DCST1: variants seen among roughly 807,000 people sequenced by gnomAD.
DCST1 encodes E3 ubiquitin-protein ligase DCST1.
A neutral mutation model predicts 89.1 loss-of-function variants in DCST1; 78 were observed. That is an observed-to-expected ratio of 0.88 (90% CI 0.73 to 1.06). The LOEUF (loss-of-function observed/expected upper bound fraction) is 1.06. Among genes scored for constraint, DCST1 ranks in the 50% least tolerant of loss-of-function variants. DCST1 has a pLI of 0.00. For missense variants in DCST1, 900 were observed against 928.6 expected (o/e 0.97, Z 0.40); for synonymous variants, 364 against 371.9 (o/e 0.98, Z 0.24).
chr1:155,038,744 C>T (rs576107427), intron 4 of DCST1, among the ~76,000 whole-genome samples: 2 of 152,330 alleles, frequency 1.3e-5, no homozygotes, highest in Non-Finnish European at 2.9e-5. Context: ...TACGTACTCC[C>T]TCCTTGGCTC....
chr1:155,034,728 G>C lies in DCST1; in HGVS notation c.262+1G>C. On this transcript the variant is annotated splice_donor_variant, in intron 4 of 16. Transcript: ENST00000295542. LOFTEE classifies it high-confidence loss of function. ...ATTATGTTCTTGTACAGCTTGGTGG[G>C]TTAGTGCTGGGCAAAAGCCAGGAAC... The C allele has an allele frequency of 6.2e-7, 1 of 1,614,164 alleles. No individual in the cohort carries two copies. The highest frequency in any genetic ancestry group is 8.5e-7 in the Non-Finnish European group (1 of 1,180,038).
intron 4 of DCST1, among the ~76,000 whole-genome samples, chr1:155,035,559 G>A (rs1660253677): frequency 1.3e-5 from 2 of 152,122 alleles, no homozygotes; most frequent in African/African-American, 4.8e-5. Flanking sequence ...CTTCTCTTCA[G>A]GTCACAAGAT....
chr1:155,034,813 G>GT lies in DCST1; in HGVS notation c.262+89dup, dbSNP rs1329094485. On this transcript the variant is annotated intron_variant, in intron 4 of 16. Coordinates refer to ENST00000295542, the MANE Select transcript of DCST1 (RefSeq NM_152494.4). The stretch of plus-strand genomic sequence containing the variant: ...CATGCCCAGGAAGGAGTCGGGACTT[G>GT]TTTCTTCTGTACCCATACATCCCCT... The GT allele has an allele frequency of 6.2e-6, 9 of 1,457,292 alleles. No individual in the cohort carries two copies. The East Asian group carries it at 1.8e-4, about 29-fold the overall frequency. The allele number at this position is 1,457,292 out of a possible 1,614,324, so 90.3% of individuals were successfully genotyped here. A position where few individuals can be genotyped will look rare whatever the true frequency, so the allele number is the denominator to read the frequency against.
chr1:155,042,208 C>A (rs1225706198), intron 8 of DCST1, among the ~76,000 whole-genome samples: 1 of 152,162 alleles, frequency 6.6e-6, no homozygotes, highest in East Asian at 1.9e-4. Context: ...AAGCGATTCT[C>A]CTGCCTCAGC....
In DCST1 at chr1:155,047,903, G is replaced by T; in HGVS notation, c.1729G>T (p.Val577Phe). ...LQAFGYRLRR[V>F]IAAFYFPKRE... The stretch of plus-strand genomic sequence containing the variant: ...GGCTTTTGGCTACCGACTCCGGAGG[G>T]TCATCGCAGCCTTCTACTTCCCCAA... The change falls in exon 15 of 17, where the codon GTC becomes TTC. Residue 577 changes from valine to phenylalanine, a missense_variant. By Grantham distance (50) the Val-to-Phe change is conservative. Transcript: ENST00000295542. 1 of 1,614,082 alleles carries T rather than the reference G, an allele frequency of 6.2e-7. No homozygotes were observed. Among genetic ancestry groups the T allele is most frequent in the East Asian group, 2.2e-5 (1 of 44,876 alleles).
At chr1:155,040,425 G>A (rs1160961914) in intron 5 of DCST1, 60 bp from the exon 6 acceptor site, 2 of 1,534,522 alleles carry the variant, frequency 1.3e-6, no homozygotes, top group East Asian at 2.4e-5. Context: ...GGGAAGCTGA[G>A]CGGGTTTGAG....
Position 155,043,450 on chromosome 1 carries a change from G to A in DCST1, c.1113G>A (p.Glu371=), listed in dbSNP as rs1660499813. The A allele has an allele frequency of 6.2e-6, 10 of 1,612,914 alleles. No individual in the cohort carries two copies. The highest frequency in any genetic ancestry group is 8.5e-6 in the Non-Finnish European group (10 of 1,179,594). ...DYVYRQEARL[E]WALGLLHVLL... The stretch of plus-strand genomic sequence containing the variant: ...TGTACCGCCAGGAGGCCCGGCTGGA[G>A]TGGGCCCTGGGGCTGCTGCACGTGC... Residue 371 remains glutamate, a synonymous_variant, in exon 10 of 17, where the codon GAG becomes GAA. Transcript: ENST00000295542.
intron 13 of DCST1, 114 bp downstream of exon 13, chr1:155,046,600 C>CTT (rs71077975): frequency 2.8e-3 from 1,518 of 533,238 alleles, no homozygotes; most frequent in Non-Finnish European, 3.2e-3. Context: ...CCTTCTGCCT[C>CTT]TTTTTTTTTT....
intron 4 of DCST1, among the ~76,000 whole-genome samples, chr1:155,037,936 TC>T (rs1660323605): frequency 6.6e-6 from 1 of 152,276 alleles, no homozygotes; most frequent in Non-Finnish European, 1.5e-5. Context: ...CCTTTCAGTG[TC>T]CTGTTCTACC....
rs772085683 is a variant in DCST1 at position 155,043,461 on chromosome 1, G to A, written c.1124G>A (p.Gly375Glu). The A allele has an allele frequency of 6.2e-7, 1 of 1,611,808 alleles. No individual in the cohort carries two copies. The highest frequency in any genetic ancestry group is 8.5e-7 in the Non-Finnish European group (1 of 1,179,092). Residue 375 changes from glycine (G) to glutamate (E), a missense_variant, in exon 10 of 17, where the codon GGG becomes GAG. Physicochemically the swap from Gly to Glu is moderately conservative, Grantham distance 98. Transcript: ENST00000295542. Reference protein sequence around the residue: ...RQEARLEWALGLLHVLLSCTF... With the variant: ...RQEARLEWALELLHVLLSCTF... The stretch of plus-strand genomic sequence containing the variant: ...GAGGCCCGGCTGGAGTGGGCCCTGG[G>A]GCTGCTGCACGTGCTGCTCTCCTGC...
At chr1:155,036,123 C>G (rs1046556967) in intron 4 of DCST1, among the ~76,000 whole-genome samples, 2 of 151,170 alleles carry the variant, frequency 1.3e-5, no homozygotes, top group African/African-American at 2.4e-5. Flanking sequence ...GGAAACTTGC[C>G]TATAATCCCC....
chr1:155,049,303 C>T (rs186151387), intron 16 of DCST1: 37 of 475,766 alleles, frequency 7.8e-5, no homozygotes, highest in African/African-American at 7.3e-4. Flanking sequence ...CATATGCATG[C>T]ATGTTATCAT....
At chr1:155,039,364 C>A in intron 4 of DCST1, 39 bp from the exon 5 acceptor site, 1 of 1,477,478 alleles carries the variant, frequency 6.8e-7, no homozygotes, top group South Asian at 1.4e-5. Context: ...GAGGCAGCTT[C>A]CTCACTTCAG....
At chr1:155,045,576 C>T (rs1421264386) in intron 10 of DCST1, 2 of 398,424 alleles carry the variant, frequency 5.0e-6, no homozygotes, top group Non-Finnish European at 9.4e-6. Flanking sequence ...CATGCCTGTC[C>T]CTACCTCAGA....
chr1:155,047,857 AGT>A lies in DCST1; in HGVS notation c.1688_1689del (p.Cys563SerfsTer34). On this transcript the variant is annotated frameshift_variant, in exon 15 of 17. Transcript: ENST00000295542. LOFTEE classifies it high-confidence loss of function. ...GAGCTGCAGTACCGATTGGCCTGTT[AGT>A]GTGTCTCTGCCTGTTACAGGCTTTT... ...WRAAVPIGLL[V>X]CLCLLQAFGY... The A allele has an allele frequency of 1.2e-6, 2 of 1,614,134 alleles. No homozygotes were observed. The highest frequency in any genetic ancestry group is 1.7e-6 in the Non-Finnish European group (2 of 1,180,020).
chr1:155,050,617 C>A lies in DCST1; in HGVS notation c.1870C>A (p.Arg624Ser), dbSNP rs1327592584. ...LRRERQQKAP[R>S]HPLADILHRG... ...GGCGCTAACGCCCACCTCCCAACAG[C>A]GCCACCCGCTGGCGGATATCCTGCA... The change falls in exon 17 of 17, where the codon CGC becomes AGC. Residue 624 changes from arginine to serine, a missense_variant and splice_region_variant. Transcript: ENST00000295542. The A allele has an allele frequency of 1.9e-6, 3 of 1,577,702 alleles. No individual in the cohort carries two copies. The Admixed American group carries it at 5.1e-5, about 27-fold the overall frequency.
chr1:155,047,348 A>C, intron 14 of DCST1, 36 bp downstream of exon 14: 1 of 1,578,754 alleles, frequency 6.3e-7, no homozygotes, highest in South Asian at 1.1e-5. Flanking sequence ...AGAGGAATCG[A>C]GGGCGGTGGG....
intron 4 of DCST1, among the ~76,000 whole-genome samples, chr1:155,036,584 T>G (rs1363419177): frequency 6.6e-6 from 1 of 152,256 alleles, no homozygotes; most frequent in Non-Finnish European, 1.5e-5. Flanking sequence ...TTTCCTCTAC[T>G]TCCTTCCCTT....
At position 155,038,497 on chromosome 1, in the gene DCST1, G is replaced by A. The variant is rs1571559865; in HGVS notation, c.263-906G>A. On this transcript the variant is annotated intron_variant, in intron 4 of 16. Coordinates refer to ENST00000295542, the MANE Select transcript of DCST1 (RefSeq NM_152494.4). Reference sequence around the variant, plus strand: ...TTATAGTCCCAGTAAGAGATGATGGGGACTCTACCACGACAGTGGAGATGG... The same window carrying A: ...TTATAGTCCCAGTAAGAGATGATGGAGACTCTACCACGACAGTGGAGATGG... Among the ~76,000 whole-genome samples, 3 of 152,316 alleles carry A rather than the reference G, an allele frequency of 2.0e-5. No homozygotes were observed. The South Asian group carries it at 6.2e-4, about 32-fold the overall frequency.
Sources: allele counts gnomAD v4.1 joint callset (sites outside exome capture counted in the v4.1 genomes callset), GRCh38; gene constraint gnomAD v4.1.1; transcripts MANE v1.5; gene names NCBI Gene and HGNC (gene_info 2026-07-23, HGNC 2026-07-21).